Variants in FHIT observed in about 807,000 individuals in gnomAD.
FHIT encodes fragile histidine triad diadenosine triphosphatase.
FHIT carries 19 observed loss-of-function variants against 17.9 expected under a neutral mutation model. The ratio of observed to expected loss-of-function variants is 1.06; its 90% confidence interval spans 0.74 to 1.56. FHIT has a LOEUF of 1.56. Ranked by LOEUF, FHIT falls within the 40% of genes most tolerant of loss-of-function variation. FHIT has a pLI of 0.00. For synonymous variants in FHIT, 81 were observed against 69.7 expected (o/e 1.16, Z -0.81); for missense variants, 248 against 189.2 (o/e 1.31, Z -1.82).
chr3:60,102,533 G>A (rs1317679843), intron 5 of FHIT, among the ~76,000 whole-genome samples: 1 of 151,990 alleles, frequency 6.6e-6, no homozygotes, highest in Admixed American at 6.6e-5. Context: ...AGCATGTCCA[G>A]TCACAATCAC....
intron 5 of FHIT, among the ~76,000 whole-genome samples, chr3:60,228,524 T>C (rs927659961): frequency 5.3e-5 from 8 of 152,232 alleles, no homozygotes; most frequent in Admixed American, 1.3e-4. Flanking sequence ...AAAACACACA[T>C]CCATGGCTCT....
chr3:59,951,924 G>A (rs1473115747), intron 7 of FHIT, among the ~76,000 whole-genome samples: 1 of 152,132 alleles, frequency 6.6e-6, no homozygotes, highest in Admixed American at 6.5e-5. Flanking sequence ...ATAGTCTCCT[G>A]CTTCAACCAG....
chr3:60,601,085 G>A (rs1186495435), intron 4 of FHIT, among the ~76,000 whole-genome samples: 2 of 152,166 alleles, frequency 1.3e-5, no homozygotes, highest in Non-Finnish European at 2.9e-5. Context: ...CCACAGCAAT[G>A]TGCCAAGTGA....
chr3:60,687,961 C>G (rs943232528), intron 4 of FHIT, among the ~76,000 whole-genome samples: 1 of 151,858 alleles, frequency 6.6e-6, no homozygotes, highest in African/African-American at 2.4e-5. Flanking sequence ...TAAATATTGC[C>G]AAGATTACTT....
intron 5 of FHIT, among the ~76,000 whole-genome samples, chr3:60,170,226 A>G (rs1286948184): frequency 6.6e-6 from 1 of 152,274 alleles, no homozygotes; most frequent in East Asian, 1.9e-4. Flanking sequence ...TCAGGTTGGC[A>G]AGTGGCTGGG....
At chr3:60,507,360 G>T (rs948231000) in intron 5 of FHIT, among the ~76,000 whole-genome samples, 1 of 152,200 alleles carries the variant, frequency 6.6e-6, no homozygotes, top group Non-Finnish European at 1.5e-5. Flanking sequence ...GGCCTGGCAT[G>T]TGGTGAGATT....
At chr3:60,573,809 C>CT (rs112894966) in intron 4 of FHIT, among the ~76,000 whole-genome samples, 6,250 of 147,734 alleles carry the variant, frequency 0.042, 419 homozygotes, top group African/African-American at 0.14. Context: ...GTCTTGTGTA[C>CT]TTTTTTTTTT....
intron 5 of FHIT, among the ~76,000 whole-genome samples, chr3:60,473,691 G>T (rs2033202275): frequency 6.6e-6 from 1 of 152,174 alleles, no homozygotes; most frequent in Non-Finnish European, 1.5e-5. Flanking sequence ...GGCAAAGGTT[G>T]GTAGATTGCC....
chr3:60,559,646 G>A lies in FHIT; in HGVS notation c.-17-22667C>T, dbSNP rs533661396. 3.3e-5 allele frequency among the ~76,000 whole-genome samples: 5 copies of A among 152,238 alleles called. No individual in the cohort carries two copies. The East Asian group carries it at 5.8e-4, about 18-fold the overall frequency. On this transcript the variant is annotated intron_variant, in intron 4 of 9. Transcript: ENST00000492590. ...GAGGTCTCTCACTAACCAAGCGCTT[G>A]CTAATATCCATTTCACTTTTCCCAC...
chr3:61,170,885 A>G (rs1206959404), intron 2 of FHIT, among the ~76,000 whole-genome samples: 1 of 152,192 alleles, frequency 6.6e-6, no homozygotes, highest in African/African-American at 2.4e-5. Context: ...TCAGGTATAT[A>G]GCCAAGATTT....
chr3:59,933,788 G>C lies in FHIT; in HGVS notation c.280-11374C>G, dbSNP rs893765766. On this transcript the variant is annotated intron_variant, in intron 7 of 9. Transcript: ENST00000492590. ...TATGGTCTCCCTAACTAGTAGTATA[G>C]TTCATGCCAGGAAATTTTATTTCTG... 5.9e-5 allele frequency among the ~76,000 whole-genome samples: 9 copies of C among 152,266 alleles called. No individual in the cohort carries two copies. In the South Asian group the frequency reaches 1.0e-3, roughly 18 times the overall value.
intron 4 of FHIT, among the ~76,000 whole-genome samples, chr3:60,551,739 C>T (rs959271343): frequency 4.0e-5 from 6 of 149,556 alleles, no homozygotes; most frequent in Admixed American, 4.0e-4. Flanking sequence ...GCCTGGGTGA[C>T]ATAGTGAGAT....
chr3:60,494,006 C>A (rs1559490393), intron 5 of FHIT, among the ~76,000 whole-genome samples: 1 of 152,050 alleles, frequency 6.6e-6, no homozygotes, highest in South Asian at 2.1e-4. Flanking sequence ...CAGAATGTAT[C>A]TTTGTCCATT....
chr3:60,515,683 T>A (rs1576795382), intron 5 of FHIT, among the ~76,000 whole-genome samples: 1 of 149,348 alleles, frequency 6.7e-6, no homozygotes, highest in Non-Finnish European at 1.5e-5. Flanking sequence ...AATAGAAACT[T>A]AACAATAATG....
chr3:60,537,388 T>C (rs2036022375), intron 4 of FHIT: 1 of 752,892 alleles, frequency 1.3e-6, no homozygotes, highest in South Asian at 6.0e-5. Flanking sequence ...CTTCTAATTC[T>C]TAAATGCTTC....
At chr3:60,834,323 T>C (rs1702445278) in intron 3 of FHIT, among the ~76,000 whole-genome samples, 1 of 152,198 alleles carries the variant, frequency 6.6e-6, no homozygotes, top group African/African-American at 2.4e-5. Context: ...TGATAACTCA[T>C]TGTGGTTTTG....
At chr3:60,431,436 T>A (rs1432590520) in intron 5 of FHIT, among the ~76,000 whole-genome samples, 1 of 152,130 alleles carries the variant, frequency 6.6e-6, no homozygotes, top group Non-Finnish European at 1.5e-5. Flanking sequence ...GGATGCTTAG[T>A]GTAGCTGTCG....
intron 5 of FHIT, among the ~76,000 whole-genome samples, chr3:60,176,959 G>T (rs1701702554): frequency 6.6e-6 from 1 of 151,978 alleles, no homozygotes; most frequent in Admixed American, 6.6e-5. Flanking sequence ...AAGGAGAAAG[G>T]CCAGAAATCC....
intron 7 of FHIT, among the ~76,000 whole-genome samples, chr3:59,984,292 C>A (rs1383231455): frequency 2.0e-5 from 3 of 151,936 alleles, no homozygotes; most frequent in Admixed American, 6.6e-5. Flanking sequence ...CAGGAAGCAC[C>A]ATTAGGGGAG....
Sources: allele counts gnomAD v4.1 joint callset (sites outside exome capture counted in the v4.1 genomes callset), GRCh38; gene constraint gnomAD v4.1.1; transcripts MANE v1.5; gene names NCBI Gene and HGNC (gene_info 2026-07-23, HGNC 2026-07-21).